The following H2BC18 variants were observed in gnomAD, a reference collection of about 807,000 sequenced individuals.
The protein encoded by H2BC18 is histone H2B type 2-F.
A neutral mutation model predicts 6.3 loss-of-function variants in H2BC18; 8 were observed. The observed-to-expected ratio is 1.28, with a 90% confidence interval of 0.75 to 2.31. The LOEUF (loss-of-function observed/expected upper bound fraction) is 2.31, where lower values mean the gene tolerates loss of function less well. H2BC18 is among the 30% of genes most tolerant of loss of function. The pLI is 0.00. For synonymous variants in H2BC18, 104 were observed against 78.1 expected (o/e 1.33, Z -1.75); for missense variants, 106 against 174.5 (o/e 0.61, Z 2.21).
chr1:149,806,933 G>T (rs1553753936), downstream of H2BC18, among the ~76,000 whole-genome samples: 3 of 152,054 alleles, frequency 2.0e-5, no homozygotes, highest in Non-Finnish European at 1.5e-5. Flanking sequence ...CCATTGGAGG[G>T]TTTTCTGTTG....
chr1:149,788,744 T>C, intron 1 of H2BC18: 1 of 1,046,228 alleles, frequency 9.6e-7, no homozygotes, highest in Non-Finnish European at 1.4e-6. Flanking sequence ...ACTGCATTAC[T>C]AAAGGCCACA....
chr1:149,792,733 G>T, intron 1 of H2BC18: 14 of 1,283,626 alleles, frequency 1.1e-5, no homozygotes, highest in Non-Finnish European at 1.3e-5. Context: ...GCAGCTCCGC[G>T]CCCCCGCCAA....
At position 149,800,045 on chromosome 1, in the gene H2BC18, G is replaced by C. The variant is rs587666409; in HGVS notation, c.377+11902C>G. On this transcript the variant is annotated intron_variant, in intron 1 of 1. Coordinates refer to the H2BC18 transcript ENST00000545683. ...TGCCAGTTCCAAGTCTGGGCCTCCA[G>C]AACTTCTGACCAACCATTTCCAAGC... Among the ~76,000 whole-genome samples the C allele has an allele frequency of 3.3e-3, 501 of 152,000 alleles. 2 individuals carry two copies. Among genetic ancestry groups the C allele is most frequent in the African/African-American group, 0.012 (483 of 41,456 alleles).
At chr1:149,789,393 A>AAATAATAATAAT (rs781855250) in intron 1 of H2BC18, among the ~76,000 whole-genome samples, 3,817 of 148,680 alleles carry the variant, frequency 0.026, 81 homozygotes, top group African/African-American at 0.057. Flanking sequence ...ACTACGTCTC[A>AAATAATAATAAT]AATAATAATA....
At chr1:149,802,221 A>C (rs1330587023) in intron 1 of H2BC18, among the ~76,000 whole-genome samples, 2 of 152,152 alleles carry the variant, frequency 1.3e-5, no homozygotes, top group Non-Finnish European at 2.9e-5. Context: ...TCCATGAAAA[A>C]TCTCCTACAA....
At chr1:149,787,160 G>A (rs1208013017) in intron 1 of H2BC18, 2 of 152,208 alleles carry the variant, frequency 1.3e-5, no homozygotes, top group African/African-American at 2.4e-5. Context: ...TGGGAATAAG[G>A]GAGGGAAGAG....
At chr1:149,805,578 T>A (rs1366549936) in intron 1 of H2BC18, 2 of 152,188 alleles carry the variant, frequency 1.3e-5, no homozygotes, top group Non-Finnish European at 2.9e-5. Flanking sequence ...GCAAAAGATT[T>A]CAAACTCAAT....
At chr1:149,789,593 G>A (rs1553751418) in intron 1 of H2BC18, among the ~76,000 whole-genome samples, 1 of 152,150 alleles carries the variant, frequency 6.6e-6, no homozygotes, top group Non-Finnish European at 1.5e-5. Context: ...TAGGAACTGG[G>A]CTGCACAGCA....
chr1:149,802,811 C>T (rs1354677125), intron 1 of H2BC18, among the ~76,000 whole-genome samples: 10 of 152,120 alleles, frequency 6.6e-5, no homozygotes, highest in Non-Finnish European at 1.0e-4. Context: ...AGTCTGATGT[C>T]CAAAGGCAGG....
chr1:149,805,788 C>T (rs587604823), intron 1 of H2BC18, among the ~76,000 whole-genome samples: 3 of 152,094 alleles, frequency 2.0e-5, no homozygotes, highest in African/African-American at 7.2e-5. Flanking sequence ...AGGACTTATT[C>T]TGAGGAGGTA....
chr1:149,802,214 A>C (rs192761156), intron 1 of H2BC18, among the ~76,000 whole-genome samples: 1 of 152,338 alleles, frequency 6.6e-6, no homozygotes, highest in East Asian at 1.9e-4. Context: ...AAAAAGATCC[A>C]TGAAAAATCT....
intron 1 of H2BC18, among the ~76,000 whole-genome samples, chr1:149,789,443 T>C (rs1162777975): frequency 1.4e-5 from 2 of 145,128 alleles, no homozygotes; most frequent in African/African-American, 5.3e-5. Flanking sequence ...GTCACTGAAA[T>C]GGCAAGTGTG....
chr1:149,809,941 G>A (rs2091956327), downstream of H2BC18, among the ~76,000 whole-genome samples: 1 of 150,812 alleles, frequency 6.6e-6, no homozygotes, highest in Non-Finnish European at 1.5e-5. Context: ...TTTAGGCTAA[G>A]CTGGAGGACT....
At chr1:149,801,794 A>G (rs6587601) in intron 1 of H2BC18, among the ~76,000 whole-genome samples, 3,088 of 151,298 alleles carry the variant, frequency 0.02, 1 homozygote, top group African/African-American at 0.071. Flanking sequence ...CATGCTTGTA[A>G]TTCATAGGTT....
intron 1 of H2BC18, among the ~76,000 whole-genome samples, chr1:149,800,941 C>T (rs5011221): frequency 0.073 from 11,097 of 152,190 alleles, 531 homozygotes; most frequent in Non-Finnish European, 0.11. Flanking sequence ...CAAAAATTAG[C>T]TGGTTGTGGT....
chr1:149,788,508 T>C, intron 1 of H2BC18: 8 of 1,613,822 alleles, frequency 5.0e-6, no homozygotes, highest in Non-Finnish European at 6.8e-6. Flanking sequence ...TCCACTGGAA[T>C]TCTAACCTCA....
At position 149,788,343 on chromosome 1, in the gene H2BC18, C is replaced by T. The variant is rs782163224; in HGVS notation, c.378-5083G>A. On this transcript the variant is annotated intron_variant, in intron 1 of 1. Transcript: ENST00000545683. ...TTGTACCTCCTCCACTGTATACATA[C>T]ATTTTGGGTTCATATTTTTCAGGCT... The T allele has an allele frequency of 6.2e-6, 10 of 1,612,066 alleles. 1 individual carries two copies.
chr1:149,788,751 C>A lies in H2BC18; in HGVS notation c.378-5491G>T, dbSNP rs2091619166. 5.3e-6 allele frequency: 5 copies of A among 946,290 alleles called. No homozygotes were observed. The South Asian group carries it at 8.3e-5, about 16-fold the overall frequency. 58.6% of individuals were successfully genotyped at this position (946,290 alleles called of 1,614,324 possible). A position where few individuals can be genotyped will look rare whatever the true frequency, so the allele number is the denominator to read the frequency against. On this transcript the variant is annotated intron_variant, in intron 1 of 1. Coordinates refer to the H2BC18 transcript ENST00000545683. The stretch of plus-strand genomic sequence containing the variant: ...AGAGGTAAACTGCATTACTAAAGGC[C>A]ACACCATGACCAGTAGCTGGAACCA...
chr1:149,794,082 C>T (rs1301060176), intron 1 of H2BC18: 2 of 523,556 alleles, frequency 3.8e-6, no homozygotes, highest in South Asian at 3.0e-5. Context: ...AGACAGATTC[C>T]TCGGGCTGTA....
Sources: allele counts gnomAD v4.1 joint callset (sites outside exome capture counted in the v4.1 genomes callset), GRCh38; gene constraint gnomAD v4.1.1; transcripts MANE v1.5; gene names NCBI Gene and HGNC (gene_info 2026-07-23, HGNC 2026-07-21).